Variants in PCLAF observed in about 807,000 individuals in gnomAD.
PCLAF encodes PCNA clamp associated factor.
In PCLAF, 12 loss-of-function variants were observed where a neutral mutation model predicts 15.1. The observed-to-expected ratio is 0.79, with a 90% confidence interval of 0.51 to 1.29. The LOEUF (loss-of-function observed/expected upper bound fraction) is 1.29. Ranked by LOEUF, PCLAF falls within the 50% of genes most tolerant of loss-of-function variation. The pLI, the probability that PCLAF is intolerant of heterozygous loss-of-function variation, is 0.00. For synonymous variants in PCLAF, 33 were observed against 47.1 expected, an observed-to-expected ratio of 0.70 and a Z score of 1.22; for missense variants, 116 against 130.9, an observed-to-expected ratio of 0.89 and a Z score of 0.56.
intron 3 of PCLAF, chr15:64,373,664 A>G (rs1409749972): frequency 2.0e-6 from 3 of 1,532,650 alleles, no homozygotes. Flanking sequence ...CAGAAGTAGC[A>G]GACCCAGAAT....
chr15:64,384,110 A>G (rs1348391803), upstream of PCLAF, among the ~76,000 whole-genome samples: 1 of 152,160 alleles, frequency 6.6e-6, no homozygotes, highest in Non-Finnish European at 1.5e-5. Flanking sequence ...GTATGTATCA[A>G]TACAATTTCT....
upstream of PCLAF, among the ~76,000 whole-genome samples, chr15:64,384,166 AC>A (rs1391367735): frequency 1.3e-5 from 2 of 151,988 alleles, no homozygotes; most frequent in Non-Finnish European, 2.9e-5. Flanking sequence ...ACAGAGTCTC[AC>A]TCTGTCATCC....
At chr15:64,382,811 C>A, upstream of PCLAF, 1 of 273,826 alleles carries the variant, frequency 3.7e-6, no homozygotes, top group Non-Finnish European at 7.1e-6. Flanking sequence ...CCAGTCTCTA[C>A]TAAAATAAAA....
intron 3 of PCLAF, among the ~76,000 whole-genome samples, chr15:64,372,866 G>A (rs567008588): frequency 6.6e-6 from 1 of 151,022 alleles, no homozygotes; most frequent in South Asian, 2.1e-4. Flanking sequence ...AGTTACTCAA[G>A]AAAGGCACAA....
At chr15:64,368,240 G>A (rs1368892363) in intron 3 of PCLAF, among the ~76,000 whole-genome samples, 1 of 152,082 alleles carries the variant, frequency 6.6e-6, no homozygotes, top group African/African-American at 2.4e-5. Flanking sequence ...AGCTACTCAG[G>A]AGGCTGAGGC....
At chr15:64,386,108 GAATA>G (rs1051511726), upstream of PCLAF, among the ~76,000 whole-genome samples, 32 of 152,050 alleles carry the variant, frequency 2.1e-4, no homozygotes, top group African/African-American at 5.6e-4. Context: ...CACAGGGACT[GAATA>G]AATAAACAGG....
At chr15:64,380,297 C>G (rs1184005084) in intron 2 of PCLAF, among the ~76,000 whole-genome samples, 1 of 151,890 alleles carries the variant, frequency 6.6e-6, no homozygotes, top group Non-Finnish European at 1.5e-5. Context: ...GCAGGAGAAT[C>G]GTGTGAACCC....
chr15:64,385,550 G>A (rs747706746), upstream of PCLAF, among the ~76,000 whole-genome samples: 6 of 151,906 alleles, frequency 3.9e-5, no homozygotes, highest in South Asian at 2.1e-4. Context: ...GCTTGAACCC[G>A]GGAGGCGGAG....
At chr15:64,373,011 T>G (rs1304988012) in intron 3 of PCLAF, 1 of 152,014 alleles carries the variant, frequency 6.6e-6, no homozygotes, top group East Asian at 1.9e-4. Context: ...AAGAGAAGAG[T>G]GAAAACTTAG....
chr15:64,371,288 T>C (rs1874924506), intron 3 of PCLAF, among the ~76,000 whole-genome samples: 1 of 149,026 alleles, frequency 6.7e-6, no homozygotes, highest in Non-Finnish European at 1.5e-5. Context: ...TGAGACGAAG[T>C]CTCACTCTGT....
chr15:64,370,569 G>A (rs1433640135), intron 3 of PCLAF, among the ~76,000 whole-genome samples: 9 of 151,512 alleles, frequency 5.9e-5, no homozygotes, highest in African/African-American at 1.7e-4. Context: ...GGGTTTCGCC[G>A]TGTTGGCCAG....
intron 3 of PCLAF, among the ~76,000 whole-genome samples, chr15:64,375,868 T>C (rs1899586587): frequency 1.3e-5 from 2 of 152,308 alleles, no homozygotes; most frequent in African/African-American, 2.4e-5. Flanking sequence ...ATAGCACTTA[T>C]GTGAATGGGA....
At chr15:64,373,904 C>G in intron 3 of PCLAF, 1 of 680,970 alleles carries the variant, frequency 1.5e-6, no homozygotes, top group South Asian at 4.3e-5. Flanking sequence ...AAGCCTGGAC[C>G]TTATTAATTA....
intron 3 of PCLAF, among the ~76,000 whole-genome samples, chr15:64,372,616 AAAAAG>A (rs1025157401): frequency 1.0e-4 from 15 of 149,628 alleles, no homozygotes; most frequent in African/African-American, 2.5e-4. Flanking sequence ...TCCATCTCAA[AAAAAG>A]AAAAGAAAAG....
intron 1 of PCLAF, among the ~76,000 whole-genome samples, chr15:64,387,063 C>A (rs1428033253): frequency 6.6e-6 from 1 of 151,842 alleles, no homozygotes; most frequent in Non-Finnish European, 1.5e-5. Context: ...TGTTTTTTAC[C>A]CTCGAGCTTG....
chr15:64,372,632 A>AAAAGT (rs1353307911), intron 3 of PCLAF, among the ~76,000 whole-genome samples: 2 of 151,552 alleles, frequency 1.3e-5, no homozygotes, highest in Non-Finnish European at 2.9e-5. Flanking sequence ...AAAAGAAAAG[A>AAAAGT]AAAGAAAGTC....
At chr15:64,368,792 CTCT>C (rs1456195062) in intron 3 of PCLAF, among the ~76,000 whole-genome samples, 3 of 149,438 alleles carry the variant, frequency 2.0e-5, no homozygotes, top group Non-Finnish European at 4.4e-5. Flanking sequence ...CATGTGTAAT[CTCT>C]TTTCATATGG....
intron 1 of PCLAF, among the ~76,000 whole-genome samples, chr15:64,387,214 A>G (rs1899962283): frequency 6.6e-6 from 1 of 151,944 alleles, no homozygotes; most frequent in African/African-American, 2.4e-5. Context: ...CCGCGTCGCT[A>G]CTAAAAATAC....
chr15:64,372,608 C>G (rs1182119978), intron 3 of PCLAF, among the ~76,000 whole-genome samples: 1 of 150,042 alleles, frequency 6.7e-6, no homozygotes, highest in Non-Finnish European at 1.5e-5. Flanking sequence ...AGCGAGACTC[C>G]ATCTCAAAAA....
Sources: gnomAD v4.1 joint callset for allele counts (sites outside exome capture counted in the v4.1 genomes callset) on GRCh38, gnomAD v4.1.1 for gene constraint, MANE v1.5 for transcripts, NCBI Gene and HGNC (gene_info 2026-07-23, HGNC 2026-07-21) for gene names.